The following CDH18 variants were observed in gnomAD, a reference collection of about 807,000 sequenced individuals.
CDH18 encodes cadherin 18, also known as cadherin-18.
CDH18 carries 31 observed loss-of-function variants against 67.9 expected under a neutral mutation model. The ratio of observed to expected loss-of-function variants is 0.46; its 90% CI spans 0.34 to 0.62. The LOEUF (loss-of-function observed/expected upper bound fraction) is 0.62. Among genes scored for constraint, CDH18 ranks in the 20% least tolerant of loss-of-function variants. CDH18 has a pLI of 0.01. For missense variants in CDH18, 890 were observed against 975.5 expected (o/e 0.91, Z 1.17); for synonymous variants, 362 against 347.2 (o/e 1.04, Z -0.48).
rs576708862 is a variant in CDH18, at chr5:20,114,284, G to A, written c.-517-122270C>T. ...GTGCCAGCTCAATAACATAATAGTC[G>A]TGTGCTAGAGTTTATATAAATCTAT... On this transcript the variant is annotated intron_variant, in intron 2 of 14. Transcript: ENST00000507958. 4.3e-3 allele frequency among the ~76,000 whole-genome samples: 655 copies of A among 152,194 alleles called. 1 individual carries two copies. Among genetic ancestry groups the A allele is most frequent in the Non-Finnish European group, 6.2e-3 (420 of 68,016 alleles).
At chr5:20,069,538 G>A (rs1424711432) in intron 2 of CDH18, among the ~76,000 whole-genome samples, 2 of 151,644 alleles carry the variant, frequency 1.3e-5, no homozygotes, top group Non-Finnish European at 2.9e-5. Context: ...TCAGCCTCCC[G>A]AGTAGCTGGG....
chr5:20,319,245 C>T (rs565059748), intron 1 of CDH18, among the ~76,000 whole-genome samples: 1 of 152,314 alleles, frequency 6.6e-6, no homozygotes, highest in South Asian at 2.1e-4. Flanking sequence ...GCACTTGAAG[C>T]TCTCCCTGTT....
At chr5:19,672,043 CAA>C (rs1248076867) in intron 5 of CDH18, among the ~76,000 whole-genome samples, 1 of 152,110 alleles carries the variant, frequency 6.6e-6, no homozygotes, top group Non-Finnish European at 1.5e-5. Context: ...AAAAGCTAAA[CAA>C]TATGTTGTTT....
intron 3 of CDH18, among the ~76,000 whole-genome samples, chr5:19,776,841 A>G (rs1043312121): frequency 6.6e-6 from 1 of 152,198 alleles, no homozygotes; most frequent in Non-Finnish European, 1.5e-5. Flanking sequence ...AGTAGAAATA[A>G]TAAGAACTAA....
In CDH18 at chr5:20,201,175, C is replaced by A. The variant is rs547560551; in HGVS notation, c.-518+54269G>T. Among the ~76,000 whole-genome samples, 18 of 151,918 alleles carry A rather than the reference C, an allele frequency of 1.2e-4. No individual in the cohort carries two copies. The East Asian group carries it at 3.5e-3, about 29-fold the overall frequency. On this transcript the variant is annotated intron_variant, in intron 2 of 14. Coordinates refer to the CDH18 transcript ENST00000507958. ...GTGTTTGCCAGCAATCTTGGGCATT[C>A]TTTGGCTACTAGATGCATTACTCCA...
At chr5:20,008,020 G>T (rs377536095) in intron 2 of CDH18, among the ~76,000 whole-genome samples, 2 of 151,970 alleles carry the variant, frequency 1.3e-5, no homozygotes, top group South Asian at 4.2e-4. Flanking sequence ...CTGACCCCTG[G>T]TATAGACATA....
intron 3 of CDH18, among the ~76,000 whole-genome samples, chr5:19,823,230 C>T (rs1386791570): frequency 1.3e-5 from 2 of 152,066 alleles, no homozygotes; most frequent in African/African-American, 4.8e-5. Context: ...TCACAGGGTC[C>T]TGAGGTGACA....
intron 1 of CDH18, among the ~76,000 whole-genome samples, chr5:20,284,265 T>A (rs746983123): frequency 3.3e-5 from 5 of 151,970 alleles, no homozygotes. Context: ...GTTTGTCACA[T>A]AAAGAAAGGA....
intron 2 of CDH18, among the ~76,000 whole-genome samples, chr5:20,253,655 G>A (rs1744024143): frequency 6.6e-6 from 1 of 152,154 alleles, no homozygotes; most frequent in Non-Finnish European, 1.5e-5. Flanking sequence ...GACTCTCAGA[G>A]CTTGAAGACT....
At chr5:20,410,976 C>G (rs960926635) in intron 1 of CDH18, among the ~76,000 whole-genome samples, 1 of 151,962 alleles carries the variant, frequency 6.6e-6, no homozygotes, top group Non-Finnish European at 1.5e-5. Flanking sequence ...ACAAGTGAGA[C>G]GATATCCCAT....
At chr5:19,861,488 T>C (rs550643993) in intron 2 of CDH18, among the ~76,000 whole-genome samples, 2 of 152,236 alleles carry the variant, frequency 1.3e-5, no homozygotes, top group East Asian at 1.9e-4. Context: ...TTGTGTGGGA[T>C]GGATCTGAAG....
At chr5:19,531,730 G>A (rs1580049202) in intron 9 of CDH18, among the ~76,000 whole-genome samples, 1 of 152,170 alleles carries the variant, frequency 6.6e-6, no homozygotes, top group Non-Finnish European at 1.5e-5. Context: ...TCAGGAGTTC[G>A]AGACCAGTCT....
chr5:20,331,089 G>T (rs531866153), intron 1 of CDH18, among the ~76,000 whole-genome samples: 2 of 152,270 alleles, frequency 1.3e-5, no homozygotes, highest in South Asian at 4.2e-4. Flanking sequence ...ATTTGAGCTA[G>T]AGATAAGAAT....
At chr5:19,897,260 A>C (rs1789448780) in intron 2 of CDH18, among the ~76,000 whole-genome samples, 1 of 152,168 alleles carries the variant, frequency 6.6e-6, no homozygotes, top group African/African-American at 2.4e-5. Flanking sequence ...GAAATGGGCA[A>C]AATGTTTAAA....
chr5:20,074,734 GT>G (rs11414745), intron 2 of CDH18, among the ~76,000 whole-genome samples: 20 of 147,192 alleles, frequency 1.4e-4, no homozygotes, highest in East Asian at 4.0e-4. Flanking sequence ...ATAGTTTGGG[GT>G]TTTTTTTTTT....
chr5:20,336,086 T>C (rs934325813), intron 1 of CDH18, among the ~76,000 whole-genome samples: 6 of 152,140 alleles, frequency 3.9e-5, no homozygotes, highest in Admixed American at 3.3e-4. Flanking sequence ...TCTTCTCGCC[T>C]AGAGGCCATC....
intron 1 of CDH18, among the ~76,000 whole-genome samples, chr5:20,539,949 AC>A (rs1489585987): frequency 1.3e-5 from 2 of 152,164 alleles, no homozygotes; most frequent in Non-Finnish European, 2.9e-5. Context: ...GAAGCACTGA[AC>A]TATTTTAATG....
At chr5:19,721,313 C>T (rs769620394) in intron 5 of CDH18, 34 bp downstream of exon 5, 24 of 1,529,486 alleles carry the variant, frequency 1.6e-5, no homozygotes, top group African/African-American at 5.4e-5. Context: ...CTGTAGCAAA[C>T]GCTTGCATGC....
At chr5:20,005,415 T>TACACACACAC (rs3065076) in intron 2 of CDH18, among the ~76,000 whole-genome samples, 1 of 147,100 alleles carries the variant, frequency 6.8e-6, no homozygotes, top group African/African-American at 2.5e-5. Flanking sequence ...TATATATATG[T>TACACACACAC]ACACACACAC....
Sources: allele counts gnomAD v4.1 joint callset (sites outside exome capture counted in the v4.1 genomes callset), GRCh38; gene constraint gnomAD v4.1.1; transcripts MANE v1.5; gene names NCBI Gene and HGNC (gene_info 2026-07-23, HGNC 2026-07-21).